Variants in TGFB2 observed in about 807,000 individuals in gnomAD.
The protein encoded by TGFB2 is transforming growth factor beta-2 proprotein.
A neutral mutation model predicts 42.7 loss-of-function variants in TGFB2; 13 were observed. The ratio of observed to expected loss-of-function variants is 0.30; its 90% CI spans 0.20 to 0.48. TGFB2 has a LOEUF of 0.48. Among genes scored for constraint, TGFB2 ranks in the 20% least tolerant of loss-of-function variants. The probability of loss-of-function intolerance (pLI) is 0.99; values close to 1 mark genes in which losing one functional copy is unlikely to be tolerated. For missense variants in TGFB2, 390 were observed against 517.5 expected (o/e 0.75, Z 2.39); for synonymous variants, 193 against 193.6 (o/e 1.00, Z 0.03).
At chr1:218,369,969 G>T (rs4625350) in intron 1 of TGFB2, among the ~76,000 whole-genome samples, 5,002 of 152,266 alleles carry the variant, frequency 0.033, 178 homozygotes, top group African/African-American at 0.087. Flanking sequence ...GACTTTACAC[G>T]GGGATGTTGG....
chr1:218,438,256 A>G (rs1267006883), intron 6 of TGFB2, among the ~76,000 whole-genome samples: 1 of 152,202 alleles, frequency 6.6e-6, no homozygotes, highest in Admixed American at 6.5e-5. Context: ...GTCACATAGT[A>G]TCATATATAG....
chr1:218,375,396 C>A (rs960025364), intron 1 of TGFB2, among the ~76,000 whole-genome samples: 17 of 140,100 alleles, frequency 1.2e-4, no homozygotes, highest in East Asian at 4.0e-4. Flanking sequence ...AAGTCAGTTA[C>A]CCTTTCTGAA....
At chr1:218,438,050 C>A (rs1464647576) in intron 6 of TGFB2, among the ~76,000 whole-genome samples, 1 of 152,034 alleles carries the variant, frequency 6.6e-6, no homozygotes, top group East Asian at 1.9e-4. Context: ...TATAGTAACC[C>A]TACTGTGCTA....
intron 1 of TGFB2, among the ~76,000 whole-genome samples, chr1:218,373,028 A>T (rs1230557763): frequency 6.6e-6 from 1 of 151,874 alleles, no homozygotes; most frequent in Admixed American, 6.6e-5. Context: ...AATACAAAAA[A>T]TTAGCTAGGA....
intron 1 of TGFB2, among the ~76,000 whole-genome samples, chr1:218,350,819 A>G (rs1432518120): frequency 1.3e-5 from 2 of 152,240 alleles, no homozygotes; most frequent in Non-Finnish European, 2.9e-5. Flanking sequence ...AACAGAGAAA[A>G]AAGAAGTGAG....
chr1:218,412,506 G>A (rs371938978), intron 2 of TGFB2, among the ~76,000 whole-genome samples: 7 of 152,206 alleles, frequency 4.6e-5, no homozygotes, highest in East Asian at 1.9e-4. Context: ...TCGTGTTTCA[G>A]TGTGCGTACT....
chr1:218,408,350 G>T (rs531077653), intron 2 of TGFB2, among the ~76,000 whole-genome samples: 55 of 152,138 alleles, frequency 3.6e-4, no homozygotes, highest in Non-Finnish European at 7.6e-4. Flanking sequence ...CTGAAGCACC[G>T]GCTGCTCCAT....
At chr1:218,428,972 CTTTTTTT>C (rs34950123) in intron 2 of TGFB2, among the ~76,000 whole-genome samples, 3 of 95,878 alleles carry the variant, frequency 3.1e-5, no homozygotes, top group African/African-American at 7.8e-5. Context: ...CCATGAGCAT[CTTTTTTT>C]TTTTTTTTTT....
intron 1 of TGFB2, among the ~76,000 whole-genome samples, chr1:218,404,146 C>T (rs1658827185): frequency 6.6e-6 from 1 of 152,050 alleles, no homozygotes; most frequent in East Asian, 1.9e-4. Context: ...GGAACCTCAC[C>T]CTATTGCCCA....
intron 2 of TGFB2, among the ~76,000 whole-genome samples, chr1:218,417,794 G>A (rs1242418020): frequency 6.6e-6 from 1 of 152,228 alleles, no homozygotes; most frequent in Non-Finnish European, 1.5e-5. Context: ...GCTGAAAAGG[G>A]CCAACATAGA....
In TGFB2 at chr1:218,418,640, G is replaced by T. The variant is rs146459996; in HGVS notation, c.510+13308G>T. Among the ~76,000 whole-genome samples the T allele has an allele frequency of 3.9e-3, 598 of 152,284 alleles. 12 individuals are homozygous for T. The highest frequency in any genetic ancestry group is 0.019 in the East Asian group (100 of 5,182). ...GGGCAGAATGGTATGGTTTGGCTGT[G>T]TCCCCACCCAGATCTCATCTTGAAT... is the stretch of plus-strand genomic sequence containing the variant. On this transcript the variant is annotated intron_variant, in intron 2 of 6. Transcript: ENST00000366930.
intron 4 of TGFB2, 146 bp from the exon 5 acceptor site, chr1:218,435,824 T>A (rs1659952324): frequency 2.6e-6 from 2 of 774,168 alleles, no homozygotes; most frequent in African/African-American, 1.7e-5. Flanking sequence ...CCATATCTAT[T>A]TCCATGGGGA....
chr1:218,372,284 G>T (rs2102555553), intron 1 of TGFB2, among the ~76,000 whole-genome samples: 1 of 152,328 alleles, frequency 6.6e-6, no homozygotes, highest in East Asian at 1.9e-4. Context: ...CAACCGACTG[G>T]AGTCTAAATT....
chr1:218,404,051 C>CAAAAAAAAAAAA (rs35450089), intron 1 of TGFB2, among the ~76,000 whole-genome samples: 2 of 99,758 alleles, frequency 2.0e-5, no homozygotes, highest in African/African-American at 7.2e-5. Context: ...TGGCAGATTA[C>CAAAAAAAAAAAA]AAAAAAAAAA....
intron 1 of TGFB2, among the ~76,000 whole-genome samples, chr1:218,393,104 T>C (rs576888289): frequency 2.0e-5 from 3 of 152,226 alleles, no homozygotes; most frequent in African/African-American, 7.2e-5. Context: ...GATTTTCGGC[T>C]AATAATGACC....
At chr1:218,426,793 TAAAAC>T (rs1659638611) in intron 2 of TGFB2, among the ~76,000 whole-genome samples, 1 of 152,162 alleles carries the variant, frequency 6.6e-6, no homozygotes, top group African/African-American at 2.4e-5. Context: ...TTTTAAAACT[TAAAAC>T]AAATATATAT....
At chr1:218,441,176 T>TTG in intron 6 of TGFB2, 28 bp from the exon 7 acceptor site, 6 of 1,581,020 alleles carry the variant, frequency 3.8e-6, no homozygotes, top group Non-Finnish European at 4.3e-6. Context: ...TTTCCCTATG[T>TTG]TGTCTCTCCT....
intron 1 of TGFB2, among the ~76,000 whole-genome samples, chr1:218,375,455 A>C (rs1485618279): frequency 6.6e-6 from 1 of 151,360 alleles, no homozygotes; most frequent in Non-Finnish European, 1.5e-5. Flanking sequence ...AAAAAACCCA[A>C]CATTATTTCT....
chr1:218,366,149 G>A lies in TGFB2; in HGVS notation c.346+19102G>A, dbSNP rs144586816. Among the ~76,000 whole-genome samples the A allele has an allele frequency of 9.9e-5, 15 of 152,264 alleles. No individual in the cohort carries two copies. The East Asian group carries it at 2.9e-3, about 29-fold the overall frequency. Reference sequence around the variant, plus strand: ...GCCTGCCTAAAGGTTTTCCTATTAAGACATAAGAATCCAGTGTGTAAGCAG... The same window carrying A: ...GCCTGCCTAAAGGTTTTCCTATTAAAACATAAGAATCCAGTGTGTAAGCAG... On this transcript the variant is annotated intron_variant, in intron 1 of 6. Transcript: ENST00000366930.
Sources: gnomAD v4.1 joint callset for allele counts (sites outside exome capture counted in the v4.1 genomes callset) on GRCh38, gnomAD v4.1.1 for gene constraint, MANE v1.5 for transcripts, NCBI Gene and HGNC (gene_info 2026-07-23, HGNC 2026-07-21) for gene names.